ZFPM2: variants seen among roughly 807,000 people sequenced by gnomAD.
ZFPM2 encodes the protein zinc finger protein ZFPM2.
Under a neutral mutation model 98.6 loss-of-function variants are expected in ZFPM2, and 20 were observed. The ratio of observed to expected loss-of-function variants is 0.20; its 90% CI spans 0.14 to 0.29. ZFPM2 has a LOEUF of 0.29. Ranked by LOEUF, ZFPM2 falls within the 10% of genes least tolerant of loss-of-function variation. The pLI is 1.00. For synonymous variants in ZFPM2, 518 were observed against 502.7 expected, an observed-to-expected ratio of 1.03 and a Z score of -0.41; for missense variants, 1,310 against 1,388.6, an observed-to-expected ratio of 0.94 and a Z score of 0.90.
intron 5 of ZFPM2, among the ~76,000 whole-genome samples, chr8:105,753,005 C>T (rs905875467): frequency 1.3e-5 from 2 of 152,002 alleles, no homozygotes; most frequent in African/African-American, 4.8e-5. Flanking sequence ...GGCTTTCAGT[C>T]GGCATCTGAT....
chr8:105,662,636 T>C (rs1489816683), intron 5 of ZFPM2: 2 of 150,348 alleles, frequency 1.3e-5, no homozygotes, highest in Non-Finnish European at 2.9e-5. Flanking sequence ...AACTCTGAAG[T>C]TGGTTCAAGC....
At position 105,634,319 on chromosome 8, in the gene ZFPM2, T is replaced by G. The variant is rs1586164243; in HGVS notation, c.494T>G (p.Val165Gly). 6.2e-7 allele frequency: 1 copy of G among 1,612,640 alleles called. No homozygotes were observed. The highest frequency in any genetic ancestry group is 2.2e-5 in the East Asian group (1 of 44,784). ...TTGCTGGATGTGACTTGGCAAGGAG[T>G]GGAAGACAACAAAAACAACTGCATT... ...KWLLDVTWQG[V>G]EDNKNNCIVY... The change falls in exon 5 of 8, where the codon GTG becomes GGG. Residue 165 changes from valine to glycine, a missense_variant. Transcript: ENST00000407775.
intron 5 of ZFPM2, among the ~76,000 whole-genome samples, chr8:105,775,311 T>C (rs1362308494): frequency 4.6e-5 from 7 of 151,684 alleles, no homozygotes; most frequent in Non-Finnish European, 8.8e-5. Context: ...TTTCCCCCCC[T>C]CCCCTCTTCT....
intron 5 of ZFPM2, 96 bp from the exon 6 acceptor site, chr8:105,788,622 G>GA: frequency 8.1e-7 from 1 of 1,237,824 alleles, no homozygotes; most frequent in East Asian, 2.4e-5. Context: ...AAACCAGTGT[G>GA]AAAAACATGA....
chr8:105,319,466 G>GA (rs1342210431), intron 1 of ZFPM2: 1 of 152,476 alleles, frequency 6.6e-6, no homozygotes, highest in African/African-American at 2.4e-5. Flanking sequence ...CCACGCGGTG[G>GA]AAAATCAGAG....
intron 7 of ZFPM2, among the ~76,000 whole-genome samples, chr8:105,800,151 T>C (rs1813957561): frequency 6.6e-6 from 1 of 152,088 alleles, no homozygotes; most frequent in Admixed American, 6.5e-5. Context: ...CAAGGATAGG[T>C]AGTCCCCTTT....
intron 3 of ZFPM2, among the ~76,000 whole-genome samples, chr8:105,488,870 A>G (rs1813291898): frequency 6.6e-6 from 1 of 152,166 alleles, no homozygotes; most frequent in Admixed American, 6.5e-5. Flanking sequence ...TTGTCTTCCA[A>G]TGTTGGAAGC....
At chr8:105,557,171 C>T (rs1001536472) in intron 3 of ZFPM2, among the ~76,000 whole-genome samples, 2 of 152,146 alleles carry the variant, frequency 1.3e-5, no homozygotes, top group African/African-American at 4.8e-5. Flanking sequence ...GTTTCTATGC[C>T]TATTCCTGCA....
chr8:105,549,666 C>T (rs1814804750), intron 3 of ZFPM2, among the ~76,000 whole-genome samples: 1 of 150,972 alleles, frequency 6.6e-6, no homozygotes, highest in African/African-American at 2.4e-5. Flanking sequence ...GAGTGAAGGG[C>T]AGTGGCACAA....
intron 2 of ZFPM2, among the ~76,000 whole-genome samples, chr8:105,437,261 C>T (rs1448068462): frequency 1.3e-5 from 2 of 152,060 alleles, no homozygotes; most frequent in African/African-American, 2.4e-5. Flanking sequence ...TTTAAATACT[C>T]GGCAATACTT....
At chr8:105,611,902 T>G (rs551105538) in intron 4 of ZFPM2, among the ~76,000 whole-genome samples, 1 of 152,020 alleles carries the variant, frequency 6.6e-6, no homozygotes, top group South Asian at 2.1e-4. Flanking sequence ...TTTACCATGT[T>G]GGCCAGGCTG....
intron 4 of ZFPM2, among the ~76,000 whole-genome samples, chr8:105,591,643 G>T (rs72673759): frequency 0.1 from 15,150 of 152,090 alleles, 1,005 homozygotes; most frequent in Middle Eastern, 0.21. Flanking sequence ...TTGATGAAAA[G>T]TATGCAGCAA....
chr8:105,480,917 AT>A (rs1586403457), intron 3 of ZFPM2, among the ~76,000 whole-genome samples: 1 of 151,896 alleles, frequency 6.6e-6, no homozygotes, highest in Admixed American at 6.6e-5. Context: ...TGCTCAGCTA[AT>A]TTTTTGTATT....
intron 5 of ZFPM2, among the ~76,000 whole-genome samples, chr8:105,669,213 C>A (rs753315740): frequency 2.6e-5 from 4 of 151,768 alleles, no homozygotes; most frequent in Non-Finnish European, 5.9e-5. Flanking sequence ...TATTGGACTC[C>A]CCATGGATAT....
intron 5 of ZFPM2, among the ~76,000 whole-genome samples, chr8:105,695,291 G>T (rs948679709): frequency 3.3e-5 from 5 of 149,508 alleles, no homozygotes; most frequent in African/African-American, 9.8e-5. Flanking sequence ...AAGAAGAAAA[G>T]AAAAGTGTAT....
At chr8:105,521,870 C>T (rs1814069462) in intron 3 of ZFPM2, among the ~76,000 whole-genome samples, 1 of 152,106 alleles carries the variant, frequency 6.6e-6, no homozygotes, top group Non-Finnish European at 1.5e-5. Flanking sequence ...AGCCATAGTG[C>T]CCAGCCAAAT....
chr8:105,730,832 A>G (rs867508526), intron 5 of ZFPM2, among the ~76,000 whole-genome samples: 2 of 145,546 alleles, frequency 1.4e-5, no homozygotes, highest in Non-Finnish European at 3.0e-5. Flanking sequence ...TGAATGAGTA[A>G]TGATTAGAAA....
chr8:105,763,060 C>A, intron 5 of ZFPM2, among the ~76,000 whole-genome samples: 1 of 139,448 alleles, frequency 7.2e-6, no homozygotes, highest in Non-Finnish European at 1.6e-5. Context: ...TTATTTCTTT[C>A]TTTTTTTTTT....
intron 5 of ZFPM2, among the ~76,000 whole-genome samples, chr8:105,654,068 G>T (rs552674658): frequency 6.6e-6 from 1 of 151,614 alleles, no homozygotes; most frequent in African/African-American, 2.4e-5. Flanking sequence ...GTCCCCACCT[G>T]TATGCCTTCA....
Sources: allele counts gnomAD v4.1 joint callset (sites outside exome capture counted in the v4.1 genomes callset), GRCh38; gene constraint gnomAD v4.1.1; transcripts MANE v1.5; gene names NCBI Gene and HGNC (gene_info 2026-07-23, HGNC 2026-07-21).